The following MTOR variants were observed in gnomAD, a reference collection of about 807,000 sequenced individuals.
MTOR encodes the protein mechanistic target of rapamycin kinase.
MTOR carries 70 observed loss-of-function variants against 319.8 expected under a neutral mutation model. The ratio of observed to expected loss-of-function variants is 0.22; its 90% CI spans 0.18 to 0.27. The LOEUF is 0.27. Ranked by LOEUF, MTOR falls within the 10% of genes least tolerant of loss-of-function variation. The pLI is 1.00. For synonymous variants in MTOR, 1,183 were observed against 1,211.4 expected, an observed-to-expected ratio of 0.98 and a Z score of 0.49; for missense variants, 1,890 against 3,274.4, an observed-to-expected ratio of 0.58 and a Z score of 10.32.
intron 2 of MTOR, 112 bp from the exon 3 acceptor site, chr1:11,258,705 C>T: frequency 6.8e-6 from 5 of 730,816 alleles, no homozygotes; most frequent in South Asian, 1.8e-5. Flanking sequence ...ATAGTTCAAA[C>T]CAAAGAAGAC....
intron 34 of MTOR, among the ~76,000 whole-genome samples, chr1:11,143,307 C>T (rs1643803004): frequency 6.6e-6 from 1 of 152,226 alleles, no homozygotes; most frequent in Non-Finnish European, 1.5e-5. Flanking sequence ...CTTCCCAGGA[C>T]TCATTCCATG....
intron 29 of MTOR, among the ~76,000 whole-genome samples, chr1:11,161,682 G>A (rs1644484166): frequency 6.6e-6 from 1 of 152,210 alleles, no homozygotes; most frequent in African/African-American, 2.4e-5. Flanking sequence ...GGGGTCTGGA[G>A]TGGACCTCCA....
At chr1:11,176,647 GT>G (rs1202905296) in intron 28 of MTOR, among the ~76,000 whole-genome samples, 2 of 152,214 alleles carry the variant, frequency 1.3e-5, no homozygotes, top group African/African-American at 2.4e-5. Context: ...TCTGACTGAA[GT>G]GGCCTGACCA....
At chr1:11,193,198 C>T (rs890311820) in intron 28 of MTOR, among the ~76,000 whole-genome samples, 3 of 151,970 alleles carry the variant, frequency 2.0e-5, no homozygotes, top group African/African-American at 4.8e-5. Context: ...GCACTCTGGT[C>T]CCAGCTACTA....
chr1:11,162,868 C>T (rs977592567), intron 29 of MTOR, among the ~76,000 whole-genome samples: 31 of 152,078 alleles, frequency 2.0e-4, no homozygotes, highest in African/African-American at 2.9e-4. Context: ...AGGAAGAAAC[C>T]GCATCAACTA....
chr1:11,162,754 AG>A (rs1306288117), intron 29 of MTOR, among the ~76,000 whole-genome samples: 4 of 152,232 alleles, frequency 2.6e-5, no homozygotes, highest in Non-Finnish European at 5.9e-5. Flanking sequence ...TGTCACCACC[AG>A]GCCTGCCTTA....
rs751544098 is a variant in MTOR at position 11,129,901 on chromosome 1, A to G, written c.5614-63T>C. On this transcript the variant is annotated intron_variant, in intron 39 of 57. Coordinates refer to ENST00000361445, the MANE Select transcript of MTOR (RefSeq NM_004958.4). The surrounding 1 kb of genome is among the most constrained non-coding windows in gnomAD (Gnocchi z 4.7). ...CTGCTTTCTCATCTGTAAAATGGGCATAAGAGCATACTAACTGTACCTACT... is the reference window on the plus strand; with the variant it reads ...CTGCTTTCTCATCTGTAAAATGGGCGTAAGAGCATACTAACTGTACCTACT... The G allele has an allele frequency of 1.3e-5, 18 of 1,414,158 alleles. No individual in the cohort carries two copies. Among genetic ancestry groups the G allele is most frequent in the South Asian group, 4.7e-5 (4 of 85,264 alleles). 87.6% of individuals were successfully genotyped at this position (1,414,158 alleles called of 1,614,324 possible).
chr1:11,258,745 C>T, intron 2 of MTOR, 152 bp from the exon 3 acceptor site: 2 of 597,394 alleles, frequency 3.3e-6, no homozygotes, highest in Non-Finnish European at 5.9e-6. Flanking sequence ...TAGGATTACA[C>T]TGTAGAGTAC....
At chr1:11,261,780 T>C (rs1301370951) in intron 1 of MTOR, among the ~76,000 whole-genome samples, 1 of 152,078 alleles carries the variant, frequency 6.6e-6, no homozygotes, top group East Asian at 1.9e-4. Context: ...TTTGTGTGTA[T>C]GTGTGTGCGT....
Position 11,228,798 on chromosome 1 carries a change from T to A in MTOR, c.2900A>T (p.His967Leu). The A allele has an allele frequency of 6.2e-7, 1 of 1,614,110 alleles. No homozygotes were observed. The highest frequency in any genetic ancestry group is 8.5e-7 in the Non-Finnish European group (1 of 1,180,036). ...GATGGCCTGGACAACCATGGTGTGA[T>A]GATGAGAGAGTGACTGGTCTCGGAA... ...RIFRDQSLSH[H>L]HTMVVQAITF... Residue 967 changes from histidine to leucine, a missense_variant, in exon 19 of 58, where the codon CAT (histidine) becomes CTT (leucine). Physicochemically the swap from His to Leu is moderately conservative, Grantham distance 99 (BLOSUM62 -3). This residue lies in a region of MTOR where 377 missense variants were observed against 653.9 expected (regional missense o/e 0.58). Transcript: ENST00000361445.
intron 19 of MTOR, among the ~76,000 whole-genome samples, chr1:11,218,440 AAAT>A (rs1180765412): frequency 6.6e-6 from 1 of 152,166 alleles, no homozygotes; most frequent in Non-Finnish European, 1.5e-5. Flanking sequence ...AAAAAAAAAA[AAAT>A]GTTATTACAA....
intron 54 of MTOR, among the ~76,000 whole-genome samples, chr1:11,112,192 C>A (rs747947276): frequency 1.3e-5 from 2 of 152,138 alleles, no homozygotes; most frequent in Non-Finnish European, 2.9e-5. Flanking sequence ...AGGGTTCCTC[C>A]CAGCAACGCA....
intron 28 of MTOR, chr1:11,193,456 T>C: frequency 3.7e-6 from 3 of 819,074 alleles, no homozygotes; most frequent in Non-Finnish European, 5.6e-6. Context: ...AGTGAGCCAG[T>C]GTGACTGCGG....
At chr1:11,245,739 T>C (rs1332810174) in intron 8 of MTOR, among the ~76,000 whole-genome samples, 2 of 152,106 alleles carry the variant, frequency 1.3e-5, no homozygotes, top group African/African-American at 2.4e-5. Context: ...AAATCATCTC[T>C]ACAAAAAATA....
intron 29 of MTOR, 129 bp downstream of exon 29, chr1:11,167,313 A>T: frequency 1.4e-6 from 1 of 690,064 alleles, no homozygotes; most frequent in South Asian, 1.7e-5. Context: ...GAAGACTGGT[A>T]AGTCAGCATC....
intron 28 of MTOR, among the ~76,000 whole-genome samples, chr1:11,178,557 T>C (rs1490695202): frequency 6.6e-6 from 1 of 152,236 alleles, no homozygotes; most frequent in Non-Finnish European, 1.5e-5. Context: ...CTTGACAAAT[T>C]GGCCATTATC....
intron 36 of MTOR, 87 bp downstream of exon 36, chr1:11,139,216 CT>C: frequency 6.6e-7 from 1 of 1,504,488 alleles, no homozygotes; most frequent in East Asian, 2.3e-5. Flanking sequence ...AACACTGTTT[CT>C]TTTCTGGCCT....
At chr1:11,219,767 T>G (rs1299473989) in intron 19 of MTOR, among the ~76,000 whole-genome samples, 3 of 152,158 alleles carry the variant, frequency 2.0e-5, no homozygotes, top group African/African-American at 7.2e-5. Flanking sequence ...CTCATGCCTA[T>G]AATTCCAGCA....
intron 19 of MTOR, among the ~76,000 whole-genome samples, chr1:11,227,629 T>C (rs1025995357): frequency 6.6e-6 from 1 of 151,946 alleles, no homozygotes; most frequent in Non-Finnish European, 1.5e-5. Flanking sequence ...CCATTTTGCA[T>C]ATTCTGTGGT....
Sources: allele counts gnomAD v4.1 joint callset (sites outside exome capture counted in the v4.1 genomes callset), GRCh38; gene constraint gnomAD v4.1.1; regional missense constraint gnomAD v4.1.1; non-coding constraint Gnocchi (gnomAD v3.1); transcripts MANE v1.5; gene names NCBI Gene and HGNC (gene_info 2026-07-23, HGNC 2026-07-21).